RALGAPA1: variants seen among roughly 807,000 people sequenced by gnomAD.
RALGAPA1 encodes ral GTPase-activating protein subunit alpha-1.
In RALGAPA1, 52 loss-of-function variants were observed where a neutral mutation model predicts 269.6. That is an observed-to-expected ratio of 0.19 (90% CI 0.15 to 0.24). The LOEUF is 0.24. Ranked by LOEUF, RALGAPA1 falls within the 10% of genes least tolerant of loss-of-function variation. The pLI is 1.00. For missense variants in RALGAPA1, 1,917 were observed against 3,013.9 expected, an observed-to-expected ratio of 0.64 and a Z score of 8.52; for synonymous variants, 817 against 1,008.3, an observed-to-expected ratio of 0.81 and a Z score of 3.60.
intron 7 of RALGAPA1, among the ~76,000 whole-genome samples, chr14:35,755,979 C>A (rs2073129657): frequency 6.6e-6 from 1 of 152,212 alleles, no homozygotes; most frequent in Non-Finnish European, 1.5e-5. Context: ...AAAATACATG[C>A]ACCTAGAAAT....
rs2063797045 is a variant in RALGAPA1 at position 35,664,735 on chromosome 14, T to C, written c.5235A>G (p.Gly1745=). The C allele has an allele frequency of 6.2e-7, 1 of 1,612,606 alleles. No homozygotes were observed. The highest frequency in any genetic ancestry group is 2.2e-5 in the East Asian group (1 of 44,784). Residue 1745 remains glycine (G), a synonymous_variant, in exon 27 of 42, where the codon GGA becomes GGG. Transcript: ENST00000680220. ...ATAAGTTGGGAAAGCAAACCAAAGA[T>C]CCCAGAAGAACTTGTGCTTCTACTC... ...APRVEAQVLL[G]SLVCFPNLYC...
intron 11 of RALGAPA1, among the ~76,000 whole-genome samples, chr14:35,741,562 G>A (rs2071557134): frequency 6.6e-6 from 1 of 152,114 alleles, no homozygotes. Flanking sequence ...TTCCACTGAT[G>A]AGGTTAGATT....
intron 37 of RALGAPA1, among the ~76,000 whole-genome samples, chr14:35,592,093 T>C (rs1453789742): frequency 1.3e-5 from 2 of 152,202 alleles, no homozygotes; most frequent in African/African-American, 2.4e-5. Context: ...AGTTTCTTTA[T>C]AGCAGTGTGA....
At chr14:35,598,563 G>A (rs2059070825) in intron 36 of RALGAPA1, among the ~76,000 whole-genome samples, 1 of 152,064 alleles carries the variant, frequency 6.6e-6, no homozygotes, top group Non-Finnish European at 1.5e-5. Context: ...GGGATTACAG[G>A]TGTCTGCCAC....
At chr14:35,605,000 C>T (rs2059508222) in intron 36 of RALGAPA1, among the ~76,000 whole-genome samples, 1 of 152,116 alleles carries the variant, frequency 6.6e-6, no homozygotes, top group Non-Finnish European at 1.5e-5. Flanking sequence ...TCTTGAATGA[C>T]ATAAAGTATA....
chr14:35,758,124 C>T (rs552743215), intron 6 of RALGAPA1, among the ~76,000 whole-genome samples: 1 of 151,338 alleles, frequency 6.6e-6, no homozygotes, highest in African/African-American at 2.4e-5. Context: ...TGGTGGCACA[C>T]GCCTGTAATC....
At chr14:35,760,514 T>G (rs933862373) in intron 6 of RALGAPA1, among the ~76,000 whole-genome samples, 1 of 152,222 alleles carries the variant, frequency 6.6e-6, no homozygotes, top group African/African-American at 2.4e-5. Context: ...TTTCTTCCCA[T>G]AGAAACCATA....
At chr14:35,629,491 AATTT>A (rs1299692384) in intron 33 of RALGAPA1, among the ~76,000 whole-genome samples, 1 of 152,022 alleles carries the variant, frequency 6.6e-6, no homozygotes, top group Admixed American at 6.6e-5. Flanking sequence ...AATAAATACA[AATTT>A]ATTTATTTAT....
chr14:35,620,627 CA>C (rs1179221096), intron 35 of RALGAPA1, among the ~76,000 whole-genome samples: 1 of 152,112 alleles, frequency 6.6e-6, no homozygotes, highest in Non-Finnish European at 1.5e-5. Context: ...CGTCTCAGCC[CA>C]AAATCTCCTT....
intron 17 of RALGAPA1, among the ~76,000 whole-genome samples, chr14:35,692,980 T>G (rs905253850): frequency 6.6e-6 from 1 of 151,998 alleles, no homozygotes; most frequent in African/African-American, 2.4e-5. Flanking sequence ...ATGAAGTAGG[T>G]GCTATGCCTA....
chr14:35,687,235 A>ATT (rs1167929089), intron 18 of RALGAPA1, among the ~76,000 whole-genome samples: 3 of 152,144 alleles, frequency 2.0e-5, no homozygotes, highest in Admixed American at 6.5e-5. Flanking sequence ...AGTTATTTTG[A>ATT]TTTTTTTATC....
chr14:35,565,299 G>A (rs1436556017), intron 39 of RALGAPA1, among the ~76,000 whole-genome samples: 2 of 150,014 alleles, frequency 1.3e-5, no homozygotes, highest in African/African-American at 4.9e-5. Context: ...TCAAACATCA[G>A]TCTAGATGCT....
chr14:35,773,905 A>G (rs535460041), intron 3 of RALGAPA1, among the ~76,000 whole-genome samples: 2 of 151,134 alleles, frequency 1.3e-5, no homozygotes, highest in Non-Finnish European at 1.5e-5. Context: ...CTAAAGAGTG[A>G]ATTATTATTA....
chr14:35,606,356 A>C (rs1157738982), intron 35 of RALGAPA1, among the ~76,000 whole-genome samples: 1 of 152,206 alleles, frequency 6.6e-6, no homozygotes, highest in Non-Finnish European at 1.5e-5. Flanking sequence ...ACAACATGTT[A>C]CTGTAGGAAT....
chr14:35,774,370 T>C (rs1455238844), intron 3 of RALGAPA1, among the ~76,000 whole-genome samples: 1 of 152,140 alleles, frequency 6.6e-6, no homozygotes, highest in Non-Finnish European at 1.5e-5. Flanking sequence ...TCTGTTTACT[T>C]TGAAAGACAA....
chr14:35,564,725 CT>C (rs1170522212), intron 39 of RALGAPA1, among the ~76,000 whole-genome samples: 1 of 152,140 alleles, frequency 6.6e-6, no homozygotes, highest in Non-Finnish European at 1.5e-5. Context: ...ATCCCCCATA[CT>C]GTATATTTCA....
In RALGAPA1 at chr14:35,723,550, C is replaced by T. The variant is rs562738798; in HGVS notation, c.1867-286G>A. 10 of 193,706 alleles carry T rather than the reference C, an allele frequency of 5.2e-5. No homozygotes were observed. In the South Asian group the frequency reaches 1.7e-3, roughly 33 times the overall value. 12.0% of individuals were successfully genotyped at this position (193,706 alleles called of 1,614,324 possible). ...GCATTATATTAATGTTAAATAAATG[C>T]TATTTAAAAAATAGTCTCCATACTT... On this transcript the variant is annotated intron_variant, in intron 14 of 41. Coordinates refer to ENST00000680220, the MANE Select transcript of RALGAPA1 (RefSeq NM_001346249.2).
intron 11 of RALGAPA1, among the ~76,000 whole-genome samples, chr14:35,739,017 A>C (rs1197248857): frequency 7.5e-6 from 1 of 132,874 alleles, no homozygotes. Context: ...TTCTAAATTA[A>C]ATGCCAGAAT....
intron 34 of RALGAPA1, among the ~76,000 whole-genome samples, chr14:35,626,363 T>G (rs981802816): frequency 2.0e-5 from 3 of 152,184 alleles, no homozygotes; most frequent in African/African-American, 4.8e-5. Context: ...CCTCCTACCA[T>G]AAATTGACAG....
Sources: allele counts gnomAD v4.1 joint callset (sites outside exome capture counted in the v4.1 genomes callset), GRCh38; gene constraint gnomAD v4.1.1; transcripts MANE v1.5; gene names NCBI Gene and HGNC (gene_info 2026-07-23, HGNC 2026-07-21).